Variants in TNFAIP8 observed in about 807,000 individuals in gnomAD.
TNFAIP8 encodes TNF alpha induced protein 8, also known as tumor necrosis factor alpha-induced protein 8.
In TNFAIP8, 7 loss-of-function variants were observed where a neutral mutation model predicts 13.3. The ratio of observed to expected loss-of-function variants is 0.52; its 90% CI spans 0.30 to 0.99. TNFAIP8 has a LOEUF of 0.99. Among genes scored for constraint, TNFAIP8 ranks in the 50% least tolerant of loss-of-function variants. The pLI is 0.07. For synonymous variants in TNFAIP8, 94 were observed against 87.6 expected (o/e 1.07, Z -0.41); for missense variants, 258 against 236.9 (o/e 1.09, Z -0.58).
chr5:119,314,523 T>G (rs1401708454), intron 1 of TNFAIP8, among the ~76,000 whole-genome samples: 1 of 152,216 alleles, frequency 6.6e-6, no homozygotes, highest in Non-Finnish European at 1.5e-5. Flanking sequence ...ATGCATCCTC[T>G]CCATATCCAC....
At chr5:119,331,003 C>T (rs988254029) in intron 1 of TNFAIP8, among the ~76,000 whole-genome samples, 3 of 152,012 alleles carry the variant, frequency 2.0e-5, no homozygotes, top group African/African-American at 7.2e-5. Flanking sequence ...ATTGCTTTCA[C>T]GAAGCTAGGC....
chr5:119,289,804 A>T (rs1308279615), intron 1 of TNFAIP8, among the ~76,000 whole-genome samples: 4 of 152,190 alleles, frequency 2.6e-5, no homozygotes, highest in Non-Finnish European at 5.9e-5. Flanking sequence ...GTGAGGCGAG[A>T]TCTCTCTATA....
chr5:119,306,243 T>C (rs911835342), intron 1 of TNFAIP8: 7 of 152,220 alleles, frequency 4.6e-5, no homozygotes, highest in Non-Finnish European at 8.8e-5. Flanking sequence ...ATGTCTTCTT[T>C]CTTTGATCCT....
intron 1 of TNFAIP8, among the ~76,000 whole-genome samples, chr5:119,314,321 T>C (rs1454478466): frequency 6.6e-6 from 1 of 152,224 alleles, no homozygotes; most frequent in Non-Finnish European, 1.5e-5. Flanking sequence ...CTGATAGAAA[T>C]AGTCCCTGTC....
chr5:119,335,481 T>C (rs1244713974), intron 1 of TNFAIP8, among the ~76,000 whole-genome samples: 3 of 152,058 alleles, frequency 2.0e-5, no homozygotes, highest in African/African-American at 7.2e-5. Flanking sequence ...CGCATCTCGC[T>C]CTGGGCCCTT....
chr5:119,393,533 G>A lies in TNFAIP8; in HGVS notation c.*152G>A. On this transcript the variant is annotated 3_prime_UTR_variant, in exon 2 of 2. Transcript: ENST00000504771. ...TGTCAGACATAATGATTTATTTGAAGGCTTGTTTTATTTGAAGAAAAGCAT... is the reference window on the plus strand; with the variant it reads ...TGTCAGACATAATGATTTATTTGAAAGCTTGTTTTATTTGAAGAAAAGCAT... The A allele has an allele frequency of 1.2e-6, 1 of 864,834 alleles. No individual in the cohort carries two copies. The highest frequency in any genetic ancestry group is 1.7e-6 in the Non-Finnish European group (1 of 583,582). The allele number at this position is 864,834 out of a possible 1,614,324, so 53.6% of individuals were successfully genotyped here. A position where few individuals can be genotyped will look rare whatever the true frequency, so the allele number is the denominator to read the frequency against.
chr5:119,358,444 A>G (rs1751518304), intron 1 of TNFAIP8, among the ~76,000 whole-genome samples: 1 of 152,208 alleles, frequency 6.6e-6, no homozygotes, highest in Non-Finnish European at 1.5e-5. Context: ...CTCCTAAATA[A>G]TTGATTTAAT....
chr5:119,325,212 T>G (rs999345525), intron 1 of TNFAIP8, among the ~76,000 whole-genome samples: 24 of 152,362 alleles, frequency 1.6e-4, no homozygotes, highest in African/African-American at 5.8e-4. Context: ...CGCAGTTTCC[T>G]TGCACTTGTC....
intron 1 of TNFAIP8, among the ~76,000 whole-genome samples, chr5:119,322,103 C>T (rs1379726074): frequency 6.6e-6 from 1 of 152,200 alleles, no homozygotes; most frequent in Non-Finnish European, 1.5e-5. Flanking sequence ...CAGGTTTCTG[C>T]TCAGATGTTA....
intron 1 of TNFAIP8, among the ~76,000 whole-genome samples, chr5:119,342,165 T>C (rs929222803): frequency 6.6e-6 from 1 of 152,180 alleles, no homozygotes; most frequent in African/African-American, 2.4e-5. Flanking sequence ...GAACAGAAAA[T>C]CAGAGTTTAA....
At position 119,281,015 on chromosome 5, in the gene TNFAIP8, TGG is replaced by T. The variant is rs1748610110; in HGVS notation, c.1+12110_1+12111del. On this transcript the variant is annotated intron_variant, in intron 1 of 1. Transcript: ENST00000274456. The stretch of plus-strand genomic sequence containing the variant: ...CTCAAATTGTCCCATCTTTGACCAA[TGG>T]GAGCCTCTTCAGTTGGCCCCTAAGT... Among the ~76,000 whole-genome samples, 4 of 152,258 alleles carry T rather than the reference TGG, an allele frequency of 2.6e-5. No homozygotes were observed. In the South Asian group the frequency reaches 8.3e-4, roughly 32 times the overall value.
chr5:119,283,681 G>C (rs947217404), intron 1 of TNFAIP8, among the ~76,000 whole-genome samples: 1 of 152,116 alleles, frequency 6.6e-6, no homozygotes, highest in Non-Finnish European at 1.5e-5. Flanking sequence ...TCAGTGCCCT[G>C]AAGTAAGGAG....
chr5:119,297,809 A>T (rs1308055106), intron 1 of TNFAIP8, among the ~76,000 whole-genome samples: 1 of 152,190 alleles, frequency 6.6e-6, no homozygotes, highest in Non-Finnish European at 1.5e-5. Context: ...GCACATATAT[A>T]TTTAGGATAG....
chr5:119,375,391 G>A (rs1382911735), intron 1 of TNFAIP8, among the ~76,000 whole-genome samples: 2 of 152,184 alleles, frequency 1.3e-5, no homozygotes, highest in Non-Finnish European at 2.9e-5. Context: ...ACACAGCTAC[G>A]AAAGGTGGGG....
chr5:119,391,713 C>A (rs1285972028), intron 1 of TNFAIP8, among the ~76,000 whole-genome samples: 1 of 147,660 alleles, frequency 6.8e-6, no homozygotes, highest in Non-Finnish European at 1.5e-5. Flanking sequence ...GAGCCAAGAT[C>A]ACGCCATTGC....
chr5:119,336,278 T>C (rs1252675289), intron 1 of TNFAIP8, among the ~76,000 whole-genome samples: 3 of 152,202 alleles, frequency 2.0e-5, no homozygotes, highest in Non-Finnish European at 4.4e-5. Context: ...TCCAGCCTCA[T>C]GGTGTGAGAG....
intron 1 of TNFAIP8, among the ~76,000 whole-genome samples, chr5:119,329,458 C>T (rs944745793): frequency 6.6e-6 from 1 of 152,186 alleles, no homozygotes; most frequent in Non-Finnish European, 1.5e-5. Flanking sequence ...CACTGCTTAA[C>T]TCACTACTCT....
At chr5:119,382,492 C>T (rs1007680933) in intron 1 of TNFAIP8, among the ~76,000 whole-genome samples, 4 of 152,208 alleles carry the variant, frequency 2.6e-5, no homozygotes, top group Admixed American at 6.5e-5. Flanking sequence ...ACTCCTTTCA[C>T]AAGACCTGAT....
chr5:119,335,711 G>A (rs1339282673), intron 1 of TNFAIP8, among the ~76,000 whole-genome samples: 1 of 152,008 alleles, frequency 6.6e-6, no homozygotes, highest in African/African-American at 2.4e-5. Context: ...CAGGTACTAA[G>A]GCAGTGAACA....
Sources: gnomAD v4.1 joint callset for allele counts (sites outside exome capture counted in the v4.1 genomes callset) on GRCh38, gnomAD v4.1.1 for gene constraint, MANE v1.5 for transcripts, NCBI Gene and HGNC (gene_info 2026-07-23, HGNC 2026-07-21) for gene names.